R3HDM1: variants seen among roughly 807,000 people sequenced by gnomAD.
R3HDM1 encodes the protein R3H domain containing 1.
A neutral mutation model predicts 141.1 loss-of-function variants in R3HDM1; 46 were observed. That is an observed-to-expected ratio of 0.33 (90% CI 0.26 to 0.42). The LOEUF (loss-of-function observed/expected upper bound fraction) is 0.42, where lower values mean the gene tolerates loss of function less well. Among genes scored for constraint, R3HDM1 ranks in the 10% least tolerant of loss-of-function variants. The pLI is 1.00. For synonymous variants in R3HDM1, 435 were observed against 472.9 expected (o/e 0.92, Z 1.04); for missense variants, 1,184 against 1,368.3 (o/e 0.87, Z 2.12).
chr2:135,647,897 T>A lies in R3HDM1; in HGVS notation c.1624-2005T>A, dbSNP rs997551509. Among the ~76,000 whole-genome samples the A allele has an allele frequency of 8.5e-5, 13 of 152,326 alleles. 1 individual carries two copies. In the South Asian group the frequency reaches 2.7e-3, roughly 32 times the overall value. On this transcript the variant is annotated intron_variant, in intron 16 of 26. Coordinates refer to ENST00000683871, the MANE Select transcript of R3HDM1 (RefSeq NM_001378107.1). Reference sequence around the variant, plus strand: ...GGTGTCAGAATTTCACTTTCATCAATCAATCTTCTAGCCCACAGTTTTTTT... The same window carrying A: ...GGTGTCAGAATTTCACTTTCATCAAACAATCTTCTAGCCCACAGTTTTTTT...
At chr2:135,660,126 A>G (rs945212377) in intron 18 of R3HDM1, among the ~76,000 whole-genome samples, 1 of 152,252 alleles carries the variant, frequency 6.6e-6, no homozygotes, top group Admixed American at 6.5e-5. Context: ...CTAGCTGTAT[A>G]TGTTTCAATA....
chr2:135,631,127 A>G (rs1334161710), intron 7 of R3HDM1, among the ~76,000 whole-genome samples: 1 of 152,152 alleles, frequency 6.6e-6, no homozygotes, highest in African/African-American at 2.4e-5. Context: ...CTTCTCTGCC[A>G]TAGTCCCATC....
chr2:135,602,848 C>A, intron 2 of R3HDM1, 140 bp downstream of exon 2: 1 of 678,844 alleles, frequency 1.5e-6, no homozygotes. Flanking sequence ...AACCAATTAA[C>A]TTTTGTATGG....
chr2:135,620,286 C>A, intron 5 of R3HDM1: 1 of 934,012 alleles, frequency 1.1e-6, no homozygotes, highest in South Asian at 5.0e-5. Context: ...TATTATACTT[C>A]TGAAAAATAG....
At chr2:135,610,881 G>A (rs759221094) in intron 3 of R3HDM1, among the ~76,000 whole-genome samples, 4 of 152,042 alleles carry the variant, frequency 2.6e-5, no homozygotes, top group Non-Finnish European at 4.4e-5. Context: ...GAGGCAGGAG[G>A]TTTACCTGAG....
intron 2 of R3HDM1, among the ~76,000 whole-genome samples, chr2:135,604,114 T>G (rs918611956): frequency 6.6e-6 from 1 of 152,244 alleles, no homozygotes; most frequent in Non-Finnish European, 1.5e-5. Flanking sequence ...ATTGAATCAC[T>G]TAATTCAGGA....
At chr2:135,612,658 A>C (rs2060655909) in intron 3 of R3HDM1, among the ~76,000 whole-genome samples, 1 of 152,200 alleles carries the variant, frequency 6.6e-6, no homozygotes, top group Non-Finnish European at 1.5e-5. Flanking sequence ...CTTTGTCCCT[A>C]AGCCTTCTAA....
At chr2:135,579,605 T>TGGGGGGGGGGGGGGGGG (rs1706318336) in intron 1 of R3HDM1, among the ~76,000 whole-genome samples, 1 of 122,516 alleles carries the variant, frequency 8.2e-6, no homozygotes, top group African/African-American at 3.2e-5. Context: ...CGGGGGGGGG[T>TGGGGGGGGGGGGGGGGG]GGAAATGGCA....
chr2:135,626,750 T>G (rs561234166), intron 7 of R3HDM1, among the ~76,000 whole-genome samples: 5 of 152,300 alleles, frequency 3.3e-5, no homozygotes, highest in South Asian at 2.1e-4. Flanking sequence ...ACCACAGTTA[T>G]AGAACTTTTT....
chr2:135,724,134 G>A lies in R3HDM1; in HGVS notation c.3247G>A (p.Asp1083Asn). Residue 1083 changes from aspartate to asparagine, a missense_variant, in exon 27 of 27, where the codon GAC (aspartate) becomes AAC (asparagine). Around this residue, in one of 5 missense-constraint regions of R3HDM1, gnomAD observed 182 missense variants for 252.6 expected, o/e 0.72. Coordinates refer to ENST00000683871, the MANE Select transcript of R3HDM1 (RefSeq NM_001378107.1). ...TANPERSKPSDLASTYTVLAT... is the reference protein window; with the variant it reads ...TANPERSKPSNLASTYTVLAT... ...CAACCCTGAACGCTCTAAACCCAGTGACTTGGCCTCCACCTACACCGTCTT... is the reference window on the plus strand; with the variant it reads ...CAACCCTGAACGCTCTAAACCCAGTAACTTGGCCTCCACCTACACCGTCTT... 6.2e-7 allele frequency: 1 copy of A among 1,614,134 alleles called. No homozygotes were observed. Among genetic ancestry groups the A allele is most frequent in the Non-Finnish European group, 8.5e-7 (1 of 1,180,016 alleles).
At chr2:135,618,353 G>A (rs2061239075) in intron 5 of R3HDM1, among the ~76,000 whole-genome samples, 1 of 151,704 alleles carries the variant, frequency 6.6e-6, no homozygotes, top group Non-Finnish European at 1.5e-5. Context: ...GTAGGGACGA[G>A]GTTTCACCAT....
chr2:135,559,908 A>G (rs1186646354), intron 1 of R3HDM1, among the ~76,000 whole-genome samples: 10 of 152,228 alleles, frequency 6.6e-5, no homozygotes, highest in Non-Finnish European at 1.5e-5. Context: ...CTCTTAATTT[A>G]TGCTATGCGC....
At chr2:135,652,903 A>C (rs543123760) in intron 18 of R3HDM1, among the ~76,000 whole-genome samples, 2 of 152,164 alleles carry the variant, frequency 1.3e-5, no homozygotes, top group South Asian at 4.1e-4. Context: ...ATTTGTTGTC[A>C]TAAAATTGTT....
intron 1 of R3HDM1, among the ~76,000 whole-genome samples, chr2:135,558,457 T>C (rs958770685): frequency 4.6e-5 from 7 of 152,142 alleles, no homozygotes; most frequent in Non-Finnish European, 1.0e-4. Context: ...TTCCCATTTG[T>C]AAAATGAGAG....
In R3HDM1 at chr2:135,602,549, G is replaced by A. The variant is rs746572520; in HGVS notation, c.-200G>A. 88 of 1,472,150 alleles carry A rather than the reference G, an allele frequency of 6.0e-5. No individual in the cohort carries two copies. The highest frequency in any genetic ancestry group is 1.8e-4 in the Middle Eastern group (1 of 5,680). 91.2% of individuals were successfully genotyped at this position (1,472,150 alleles called of 1,614,324 possible). Reference sequence around the variant, plus strand: ...GATCCAAGACAGTCCATTCCAGTCCGGGAATCTACAGTGGTGACAAGGACA... The same window carrying A: ...GATCCAAGACAGTCCATTCCAGTCCAGGAATCTACAGTGGTGACAAGGACA... On this transcript the variant is annotated 5_prime_UTR_variant, in exon 2 of 27. Coordinates refer to ENST00000683871, the MANE Select transcript of R3HDM1 (RefSeq NM_001378107.1).
intron 1 of R3HDM1, among the ~76,000 whole-genome samples, chr2:135,540,590 A>T (rs1441554260): frequency 6.6e-6 from 1 of 151,912 alleles, no homozygotes; most frequent in African/African-American, 2.4e-5. Flanking sequence ...TTATTTATTT[A>T]TTTATTTTTG....
At chr2:135,696,605 C>T (rs772633228) in intron 21 of R3HDM1, among the ~76,000 whole-genome samples, 7 of 152,116 alleles carry the variant, frequency 4.6e-5, no homozygotes, top group Admixed American at 6.5e-5. Context: ...AATCCTCCTG[C>T]GTCAGCCTCC....
chr2:135,626,909 A>G (rs2062104193), intron 7 of R3HDM1, among the ~76,000 whole-genome samples: 1 of 152,166 alleles, frequency 6.6e-6, no homozygotes, highest in Non-Finnish European at 1.5e-5. Context: ...AAATTATATA[A>G]TGTATGGTCG....
intron 1 of R3HDM1, among the ~76,000 whole-genome samples, chr2:135,580,731 A>T (rs755996000): frequency 6.6e-5 from 10 of 151,988 alleles, no homozygotes; most frequent in Non-Finnish European, 1.2e-4. Context: ...AAAACAACAA[A>T]CTCTTAGCTT....
Sources: gnomAD v4.1 joint callset for allele counts (sites outside exome capture counted in the v4.1 genomes callset) on GRCh38, gnomAD v4.1.1 for gene constraint, gnomAD v4.1.1 regional missense constraint, MANE v1.5 for transcripts, NCBI Gene and HGNC (gene_info 2026-07-23, HGNC 2026-07-21) for gene names.